NRG3: variants seen among roughly 807,000 people sequenced by gnomAD.
NRG3 encodes the protein neuregulin 3.
Under a neutral mutation model 66.9 loss-of-function variants are expected in NRG3, and 31 were observed. The ratio of observed to expected loss-of-function variants is 0.46; its 90% CI spans 0.35 to 0.63. NRG3 has a LOEUF of 0.63. NRG3 is among the 20% of genes least tolerant of loss of function. The probability of loss-of-function intolerance (pLI) is 0.00; values close to 1 mark genes in which losing one functional copy is unlikely to be tolerated. For synonymous variants in NRG3, 393 were observed against 359.4 expected, an observed-to-expected ratio of 1.09 and a Z score of -1.06; for missense variants, 910 against 878.9, an observed-to-expected ratio of 1.04 and a Z score of -0.45.
chr10:82,713,439 C>T (rs1268075528), intron 2 of NRG3, among the ~76,000 whole-genome samples: 1 of 152,106 alleles, frequency 6.6e-6, no homozygotes, highest in Non-Finnish European at 1.5e-5. Context: ...TTGAACTTGA[C>T]TCTCCTACCA....
At chr10:82,052,260 G>A (rs761114512) in intron 1 of NRG3, among the ~76,000 whole-genome samples, 25 of 152,060 alleles carry the variant, frequency 1.6e-4, no homozygotes, top group Non-Finnish European at 3.4e-4. Context: ...AAAAATACCT[G>A]AACTTCATTA....
chr10:81,935,230 A>G (rs1463402168), intron 1 of NRG3, among the ~76,000 whole-genome samples: 2 of 152,186 alleles, frequency 1.3e-5, no homozygotes, highest in Non-Finnish European at 2.9e-5. Flanking sequence ...GGCACTAAGT[A>G]TAATTATCTG....
Position 82,340,489 on chromosome 10 carries a change from C to T in NRG3, c.824-18250C>T, listed in dbSNP as rs991461407. Among the ~76,000 whole-genome samples the T allele has an allele frequency of 2.6e-5, 4 of 151,990 alleles. No individual in the cohort carries two copies. In the East Asian group the frequency reaches 7.7e-4, roughly 29 times the overall value. Reference sequence around the variant, plus strand: ...AAGAAAGTGCTTGGATATCTGAACACTAGAATAAATGATTCAAATAAGAGC... The same window carrying T: ...AAGAAAGTGCTTGGATATCTGAACATTAGAATAAATGATTCAAATAAGAGC... On this transcript the variant is annotated intron_variant, in intron 1 of 8. Transcript: ENST00000372141.
chr10:81,959,174 A>G (rs1850116945), intron 1 of NRG3, among the ~76,000 whole-genome samples: 1 of 152,200 alleles, frequency 6.6e-6, no homozygotes, highest in African/African-American at 2.4e-5. Flanking sequence ...ACTGATAGTC[A>G]TCTGATGACA....
Position 82,064,196 on chromosome 10 carries a change from G to A in NRG3, c.823+188033G>A, listed in dbSNP as rs2064317576. On this transcript the variant is annotated intron_variant, in intron 1 of 8. Transcript: ENST00000372141. ...AGACCAAGAGTCAAAATAACTCTGT[G>A]GTCCAATCCTGCATAGCTTATAGTC... Among the ~76,000 whole-genome samples, 3 of 152,198 alleles carry A rather than the reference G, an allele frequency of 2.0e-5. No homozygotes were observed. The South Asian group carries it at 6.2e-4, about 32-fold the overall frequency.
intron 2 of NRG3, among the ~76,000 whole-genome samples, chr10:82,678,754 T>G (rs1019513647): frequency 2.1e-4 from 30 of 144,096 alleles, no homozygotes; most frequent in African/African-American, 7.8e-4. Flanking sequence ...ATTACCAGAG[T>G]TTTTTTTTGC....
chr10:82,000,406 A>G (rs2061117326), intron 1 of NRG3, among the ~76,000 whole-genome samples: 1 of 151,820 alleles, frequency 6.6e-6, no homozygotes, highest in Admixed American at 6.6e-5. Context: ...TGGAGTTGTG[A>G]GCCATGGGGT....
At chr10:82,764,525 G>C (rs1490763362) in intron 3 of NRG3, among the ~76,000 whole-genome samples, 1 of 151,666 alleles carries the variant, frequency 6.6e-6, no homozygotes, top group African/African-American at 2.4e-5. Flanking sequence ...GCCACGCCTG[G>C]CTAATTTTTG....
At chr10:82,649,630 T>C (rs1331474407) in intron 2 of NRG3, among the ~76,000 whole-genome samples, 2 of 151,962 alleles carry the variant, frequency 1.3e-5, no homozygotes, top group African/African-American at 4.8e-5. Flanking sequence ...ATTTTTGTAT[T>C]TTTAATAGAG....
intron 4 of NRG3, among the ~76,000 whole-genome samples, chr10:82,890,140 T>G (rs1179840729): frequency 6.6e-6 from 1 of 151,990 alleles, no homozygotes; most frequent in Non-Finnish European, 1.5e-5. Context: ...TTTTTTTTTT[T>G]TTTTTAAGTA....
intron 2 of NRG3, among the ~76,000 whole-genome samples, chr10:82,443,779 C>T (rs1590152186): frequency 6.6e-6 from 1 of 152,196 alleles, no homozygotes; most frequent in Non-Finnish European, 1.5e-5. Flanking sequence ...GAGGCAATAT[C>T]TGTGCTCTAG....
At chr10:82,265,827 G>A (rs12254772) in intron 1 of NRG3, among the ~76,000 whole-genome samples, 65,870 of 151,976 alleles carry the variant, frequency 0.43, 17,003 homozygotes, top group African/African-American at 0.72. Context: ...GTGAAGTTTT[G>A]CATTTTAGGG....
chr10:82,135,095 C>T (rs2069229627), intron 1 of NRG3, among the ~76,000 whole-genome samples: 1 of 146,188 alleles, frequency 6.8e-6, no homozygotes, highest in Non-Finnish European at 1.5e-5. Context: ...AACTGCACTC[C>T]AACCAGTGTG....
intron 2 of NRG3, among the ~76,000 whole-genome samples, chr10:82,691,342 A>G (rs1327011162): frequency 6.6e-6 from 1 of 152,098 alleles, no homozygotes; most frequent in African/African-American, 2.4e-5. Flanking sequence ...CTGTTCAAAT[A>G]CTGTCTTCTT....
intron 1 of NRG3, among the ~76,000 whole-genome samples, chr10:82,211,045 A>G (rs1234371922): frequency 1.3e-5 from 2 of 152,166 alleles, no homozygotes; most frequent in African/African-American, 4.8e-5. Context: ...GCTGCCATAA[A>G]TATGGAACTT....
chr10:82,802,630 T>G (rs941180497), intron 3 of NRG3, among the ~76,000 whole-genome samples: 2 of 152,052 alleles, frequency 1.3e-5, no homozygotes, highest in Non-Finnish European at 2.9e-5. Context: ...GGAGTAGTAC[T>G]ATTTACCAGG....
chr10:82,464,043 T>A (rs964572002), intron 2 of NRG3, among the ~76,000 whole-genome samples: 11 of 152,248 alleles, frequency 7.2e-5, no homozygotes, highest in African/African-American at 2.7e-4. Context: ...GACTTAGCTT[T>A]CAGTCTTTAC....
At chr10:81,976,533 G>T (rs2060129695) in intron 1 of NRG3, among the ~76,000 whole-genome samples, 1 of 152,194 alleles carries the variant, frequency 6.6e-6, no homozygotes, top group South Asian at 2.1e-4. Flanking sequence ...TAGACTCTAG[G>T]ATAGATTGCT....
chr10:82,943,442 G>A (rs1848739769), intron 4 of NRG3, among the ~76,000 whole-genome samples: 1 of 152,184 alleles, frequency 6.6e-6, no homozygotes, highest in Admixed American at 6.5e-5. Context: ...AACCAGGGAA[G>A]CCAATGATGT....
Sources: allele counts gnomAD v4.1 joint callset (sites outside exome capture counted in the v4.1 genomes callset), GRCh38; gene constraint gnomAD v4.1.1; transcripts MANE v1.5; gene names NCBI Gene and HGNC (gene_info 2026-07-23, HGNC 2026-07-21).